Variants in WWTR1 observed in about 807,000 individuals in gnomAD.
WWTR1 encodes WW domain-containing transcription regulator protein 1.
WWTR1 carries 13 observed loss-of-function variants against 40.1 expected under a neutral mutation model. The observed-to-expected ratio is 0.32, with a 90% CI of 0.21 to 0.52. The LOEUF (loss-of-function observed/expected upper bound fraction) is 0.52. WWTR1 is among the 20% of genes least tolerant of loss of function. The probability of loss-of-function intolerance (pLI) is 0.97; values close to 1 mark genes in which losing one functional copy is unlikely to be tolerated. For missense variants in WWTR1, 436 were observed against 523.1 expected (o/e 0.83, Z 1.63); for synonymous variants, 230 against 210.1 (o/e 1.09, Z -0.82).
In WWTR1 at chr3:149,533,004, A is replaced by G. The variant is rs924620778; in HGVS notation, c.772-5035T>C. 7.2e-5 allele frequency among the ~76,000 whole-genome samples: 11 copies of G among 152,292 alleles called. 1 individual carries two copies. The highest frequency in any genetic ancestry group is 5.2e-4 in the Admixed American group (8 of 15,296). ...GGTGGTGCAGCTGCCTTCACTCAGC[A>G]CCCCTTCCTTCCTCTGCTCCCTCTA... On this transcript the variant is annotated intron_variant, in intron 4 of 6. Transcript: ENST00000360632.
Position 149,542,494 on chromosome 3 carries a change from C to G in WWTR1, c.612G>C (p.Leu204=). ...TCTGAGTGGGGTGGTTCTGCTGGCT[C>G]AGGGTACTGGGGGCCATCTGCTGCT... ...QHQQQMAPST[L]SQQNHPTQNP... is the part of the protein sequence containing the mutation. Residue 204 remains leucine, a synonymous_variant, in exon 4 of 7, where the codon CTG becomes CTC. Coordinates refer to ENST00000360632, the MANE Select transcript of WWTR1 (RefSeq NM_015472.6). The G allele has an allele frequency of 1.2e-6, 2 of 1,613,844 alleles. No individual in the cohort carries two copies. The highest frequency in any genetic ancestry group is 1.7e-5 in the Admixed American group (1 of 59,990).
rs1262577102 is a variant in WWTR1 at position 149,586,754 on chromosome 3, C to T, written c.432-13754G>A. On this transcript the variant is annotated intron_variant, in intron 2 of 6. Transcript: ENST00000360632. Reference sequence around the variant, plus strand: ...TCGAACTTTCAGTCCCACACCACATCCCAACCTTCAGGGAAGGGAAGAGGG... The same window carrying T: ...TCGAACTTTCAGTCCCACACCACATTCCAACCTTCAGGGAAGGGAAGAGGG... Among the ~76,000 whole-genome samples the T allele has an allele frequency of 5.3e-5, 8 of 152,264 alleles. No homozygotes were observed. In the East Asian group the frequency reaches 9.6e-4, roughly 18 times the overall value.
At chr3:149,545,364 C>A (rs1736316743) in intron 3 of WWTR1, among the ~76,000 whole-genome samples, 1 of 152,114 alleles carries the variant, frequency 6.6e-6, no homozygotes, top group Admixed American at 6.5e-5. Context: ...ATTTCTGAAC[C>A]TTCTATAAAA....
upstream of WWTR1, among the ~76,000 whole-genome samples, chr3:149,707,292 C>A (rs1459400823): frequency 6.6e-6 from 1 of 152,124 alleles, no homozygotes; most frequent in Non-Finnish European, 1.5e-5. Context: ...CAGCAAACTT[C>A]ACCACCGCTC....
chr3:149,602,349 G>A (rs954172367), intron 2 of WWTR1, among the ~76,000 whole-genome samples: 1 of 152,170 alleles, frequency 6.6e-6, no homozygotes, highest in African/African-American at 2.4e-5. Flanking sequence ...TGATGATTTG[G>A]ATTAAAGAAT....
At chr3:149,609,555 A>G (rs1304024659) in intron 2 of WWTR1, among the ~76,000 whole-genome samples, 1 of 152,262 alleles carries the variant, frequency 6.6e-6, no homozygotes, top group African/African-American at 2.4e-5. Context: ...ATTGGAACAC[A>G]GCTACTCTCA....
chr3:149,650,028 A>C (rs1712773711), intron 2 of WWTR1: 1 of 152,026 alleles, frequency 6.6e-6, no homozygotes, highest in Non-Finnish European at 1.5e-5. Flanking sequence ...CCCCAAAGTG[A>C]TAAGATTAGT....
Position 149,584,303 on chromosome 3 carries a change from C to T in WWTR1, c.432-11303G>A, listed in dbSNP as rs553725261. Among the ~76,000 whole-genome samples, 65 of 152,346 alleles carry T rather than the reference C, an allele frequency of 4.3e-4. 1 individual carries two copies. The highest frequency in any genetic ancestry group is 1.6e-3 in the African/African-American group (65 of 41,584). ...CAAAAATTCTTTTGGGTTAGGCTAGCTTCTCCTCTATTCATGTGAAGAGAT... is the reference window on the plus strand; with the variant it reads ...CAAAAATTCTTTTGGGTTAGGCTAGTTTCTCCTCTATTCATGTGAAGAGAT... On this transcript the variant is annotated intron_variant, in intron 2 of 6. Transcript: ENST00000360632.
chr3:149,672,782 CTTT>C (rs34174367), intron 1 of WWTR1, among the ~76,000 whole-genome samples: 3 of 129,290 alleles, frequency 2.3e-5, no homozygotes, highest in Non-Finnish European at 3.3e-5. Flanking sequence ...AAGTTTTTTC[CTTT>C]TTTTTTTTTT....
intron 2 of WWTR1, among the ~76,000 whole-genome samples, chr3:149,613,488 C>T (rs1739824718): frequency 6.6e-6 from 1 of 152,174 alleles, no homozygotes; most frequent in Non-Finnish European, 1.5e-5. Context: ...CATCTCAATA[C>T]AGCCAATCTC....
chr3:149,686,298 C>T (rs1319730926), intron 1 of WWTR1, among the ~76,000 whole-genome samples: 1 of 152,188 alleles, frequency 6.6e-6, no homozygotes, highest in African/African-American at 2.4e-5. Flanking sequence ...CCAGGCATCA[C>T]ATCTCAGACA....
chr3:149,550,759 A>T (rs1736583447), intron 3 of WWTR1, among the ~76,000 whole-genome samples: 1 of 110,256 alleles, frequency 9.1e-6, no homozygotes, highest in African/African-American at 3.8e-5. Flanking sequence ...AGGGTTATAA[A>T]AGACTGCTTG....
intron 2 of WWTR1, among the ~76,000 whole-genome samples, chr3:149,601,716 T>TC: frequency 6.6e-6 from 1 of 152,196 alleles, no homozygotes; most frequent in East Asian, 1.9e-4. Flanking sequence ...AATTATTTTT[T>TC]TTTTTTACTT....
chr3:149,610,470 T>C lies in WWTR1; in HGVS notation c.432-37470A>G, dbSNP rs546177850. On this transcript the variant is annotated intron_variant, in intron 2 of 6. Coordinates refer to ENST00000360632, the MANE Select transcript of WWTR1 (RefSeq NM_015472.6). The stretch of plus-strand genomic sequence containing the variant: ...TGCTCCTAAAGTTACAAATGGCCAC[T>C]CTTCGTTTTAATAGCAGATTTAAAG... Among the ~76,000 whole-genome samples the C allele has an allele frequency of 3.4e-4, 52 of 152,338 alleles. 1 individual carries two copies. The South Asian group carries it at 6.8e-3, about 20-fold the overall frequency.
chr3:149,661,739 T>TG (rs1560109154), upstream of WWTR1, among the ~76,000 whole-genome samples: 3 of 149,744 alleles, frequency 2.0e-5, no homozygotes, highest in African/African-American at 7.4e-5. Context: ...TAAAGTTTTT[T>TG]TTTTTTTTTT....
intron 2 of WWTR1, among the ~76,000 whole-genome samples, chr3:149,586,953 T>C (rs1347233482): frequency 1.3e-5 from 2 of 152,204 alleles, no homozygotes; most frequent in African/African-American, 4.8e-5. Flanking sequence ...CCTTGTCCTA[T>C]GTATCTCTTC....
At chr3:149,662,654 T>C (rs539930906), upstream of WWTR1, among the ~76,000 whole-genome samples, 2 of 152,240 alleles carry the variant, frequency 1.3e-5, no homozygotes, top group Non-Finnish European at 2.9e-5. Flanking sequence ...CTCTGTTTTC[T>C]GGTCTCCTTC....
At chr3:149,636,370 C>G (rs1189175377) in intron 2 of WWTR1, among the ~76,000 whole-genome samples, 1 of 152,138 alleles carries the variant, frequency 6.6e-6, no homozygotes, top group Non-Finnish European at 1.5e-5. Context: ...AGGTTACGAT[C>G]TTAGGATCAT....
intron 2 of WWTR1, among the ~76,000 whole-genome samples, chr3:149,634,327 T>G (rs1267333737): frequency 6.6e-6 from 1 of 152,190 alleles, no homozygotes; most frequent in East Asian, 1.9e-4. Flanking sequence ...GTGAACAGTG[T>G]GAGAACAATG....
Sources: allele counts gnomAD v4.1 joint callset (sites outside exome capture counted in the v4.1 genomes callset), GRCh38; gene constraint gnomAD v4.1.1; transcripts MANE v1.5; gene names NCBI Gene and HGNC (gene_info 2026-07-23, HGNC 2026-07-21).